Variants in CSMD1 observed in about 807,000 individuals in gnomAD.
The protein encoded by CSMD1 is CUB and Sushi multiple domains 1, also known as CUB and sushi domain-containing protein 1.
In CSMD1, 213 loss-of-function variants were observed where a neutral mutation model predicts 417.5. The observed-to-expected ratio is 0.51, with a 90% CI of 0.46 to 0.57. CSMD1 has a LOEUF of 0.57. Among genes scored for constraint, CSMD1 ranks in the 20% least tolerant of loss-of-function variants. The pLI, the probability that CSMD1 is intolerant of heterozygous loss-of-function variation, is 0.00. For synonymous variants in CSMD1, 2,862 were observed against 1,736.8 expected (o/e 1.65, Z -16.11); for missense variants, 6,923 against 4,529.7 (o/e 1.53, Z -15.17).
chr8:3,985,131 T>G (rs1269097448), intron 5 of CSMD1, among the ~76,000 whole-genome samples: 1 of 152,074 alleles, frequency 6.6e-6, no homozygotes, highest in African/African-American at 2.4e-5. Flanking sequence ...ATAGATCATG[T>G]ACTTCAGGAG....
intron 27 of CSMD1, among the ~76,000 whole-genome samples, chr8:3,225,315 CCA>C (rs1798434317): frequency 6.6e-6 from 1 of 151,924 alleles, no homozygotes; most frequent in South Asian, 2.1e-4. Context: ...ATAATAAATT[CCA>C]CAGATATACG....
intron 8 of CSMD1, among the ~76,000 whole-genome samples, chr8:3,611,337 G>T (rs1328250846): frequency 6.6e-6 from 1 of 152,056 alleles, no homozygotes; most frequent in East Asian, 1.9e-4. Flanking sequence ...TGTCTCTAGG[G>T]CTTGGTGAAG....
chr8:4,658,547 T>C (rs1240385219), intron 1 of CSMD1, among the ~76,000 whole-genome samples: 1 of 152,148 alleles, frequency 6.6e-6, no homozygotes, highest in Non-Finnish European at 1.5e-5. Flanking sequence ...AATCAGACAT[T>C]GATAAACTAG....
intron 3 of CSMD1, among the ~76,000 whole-genome samples, chr8:4,205,389 C>A (rs1371742965): frequency 1.3e-5 from 2 of 152,262 alleles, no homozygotes; most frequent in African/African-American, 4.8e-5. Flanking sequence ...ATTTTTTAGC[C>A]TTGGCATGTG....
Position 3,980,382 on chromosome 8 carries a change from G to C in CSMD1, c.818+17521C>G, listed in dbSNP as rs1259475659. ...GCTTTAACGCGGTATTTTAAGTGTTGACCTATTCCTGGCGGCATAAAATAT... is the reference window on the plus strand; with the variant it reads ...GCTTTAACGCGGTATTTTAAGTGTTCACCTATTCCTGGCGGCATAAAATAT... On this transcript the variant is annotated intron_variant, in intron 5 of 69. Coordinates refer to ENST00000635120, the MANE Select transcript of CSMD1 (RefSeq NM_033225.6). Among the ~76,000 whole-genome samples, 4 of 152,214 alleles carry C rather than the reference G, an allele frequency of 2.6e-5. No homozygotes were observed. The East Asian group carries it at 5.8e-4, about 22-fold the overall frequency.
chr8:3,807,219 G>C (rs749274612), intron 5 of CSMD1, among the ~76,000 whole-genome samples: 4 of 152,122 alleles, frequency 2.6e-5, no homozygotes, highest in Admixed American at 1.3e-4. Context: ...CCAGGACATT[G>C]ATAAACCTAT....
chr8:3,941,829 G>A (rs556049408), intron 5 of CSMD1, among the ~76,000 whole-genome samples: 63 of 151,962 alleles, frequency 4.1e-4, no homozygotes, highest in African/African-American at 5.5e-4. Flanking sequence ...AAAATATAGC[G>A]CAATTCCTTA....
At chr8:3,409,726 G>C in intron 12 of CSMD1, 121 bp from the exon 13 acceptor site, 3 of 729,900 alleles carry the variant, frequency 4.1e-6, no homozygotes, top group Non-Finnish European at 6.6e-6. Flanking sequence ...TTTTTGTAAA[G>C]TGTTTCTAAA....
At chr8:4,436,453 G>C (rs866199799) in intron 2 of CSMD1, among the ~76,000 whole-genome samples, 2 of 151,818 alleles carry the variant, frequency 1.3e-5, no homozygotes, top group African/African-American at 4.9e-5. Context: ...GGCATGTTTT[G>C]ATTCAGAAAT....
intron 2 of CSMD1, among the ~76,000 whole-genome samples, chr8:4,460,611 G>GGA (rs1554486667): frequency 2.6e-5 from 4 of 151,554 alleles, no homozygotes; most frequent in African/African-American, 9.7e-5. Flanking sequence ...TAAAATGGGG[G>GGA]AAAAAAAGGT....
intron 7 of CSMD1, among the ~76,000 whole-genome samples, chr8:3,699,803 C>A (rs1424123507): frequency 1.3e-5 from 2 of 152,136 alleles, no homozygotes; most frequent in African/African-American, 4.8e-5. Flanking sequence ...ATATAAAAAT[C>A]TAATTGAAGA....
intron 3 of CSMD1, among the ~76,000 whole-genome samples, chr8:4,416,352 T>C (rs1169312521): frequency 2.0e-5 from 3 of 152,150 alleles, no homozygotes; most frequent in African/African-American, 4.8e-5. Context: ...AATTATTGCA[T>C]ATAATTCATA....
chr8:4,798,864 C>T (rs1457931189), intron 1 of CSMD1, among the ~76,000 whole-genome samples: 1 of 152,142 alleles, frequency 6.6e-6, no homozygotes. Flanking sequence ...TCACAGATGC[C>T]ATAAATAAAT....
intron 6 of CSMD1, among the ~76,000 whole-genome samples, chr8:3,711,532 A>G (rs571905139): frequency 2.0e-5 from 3 of 152,168 alleles, no homozygotes; most frequent in Non-Finnish European, 4.4e-5. Context: ...CTCTGGTGCA[A>G]CCACGGCACC....
intron 2 of CSMD1, among the ~76,000 whole-genome samples, chr8:4,456,365 A>G (rs912910625): frequency 5.9e-5 from 9 of 152,362 alleles, no homozygotes; most frequent in Admixed American, 2.6e-4. Context: ...AAAATACTGT[A>G]TCTGTCACTA....
intron 31 of CSMD1, among the ~76,000 whole-genome samples, chr8:3,202,032 G>A (rs1290251538): frequency 1.3e-5 from 2 of 152,118 alleles, no homozygotes; most frequent in African/African-American, 2.4e-5. Flanking sequence ...GCTGGATGTG[G>A]TGGCTCACGC....
intron 37 of CSMD1, among the ~76,000 whole-genome samples, chr8:3,166,798 C>T (rs1316883333): frequency 6.6e-6 from 1 of 152,030 alleles, no homozygotes; most frequent in Admixed American, 6.6e-5. Flanking sequence ...AAAGAACTCA[C>T]AAAACGTAAC....
chr8:3,109,242 C>A (rs1447457103), intron 43 of CSMD1, among the ~76,000 whole-genome samples: 1 of 151,972 alleles, frequency 6.6e-6, no homozygotes, highest in Admixed American at 6.6e-5. Flanking sequence ...TCCAGCTGTG[C>A]GACAGGGCAA....
chr8:3,623,269 G>C (rs968362842), intron 7 of CSMD1, among the ~76,000 whole-genome samples: 1 of 152,296 alleles, frequency 6.6e-6, no homozygotes, highest in Non-Finnish European at 1.5e-5. Flanking sequence ...TGACTCTGCA[G>C]GGCAGTAAAG....
Sources: gnomAD v4.1 joint callset for allele counts (sites outside exome capture counted in the v4.1 genomes callset) on GRCh38, gnomAD v4.1.1 for gene constraint, MANE v1.5 for transcripts, NCBI Gene and HGNC (gene_info 2026-07-23, HGNC 2026-07-21) for gene names.